Variants in PLSCR2 observed in about 807,000 individuals in gnomAD.
PLSCR2 encodes PL scramblase 2.
PLSCR2 carries 18 observed loss-of-function variants against 25.3 expected under a neutral mutation model. The ratio of observed to expected loss-of-function variants is 0.71; its 90% CI spans 0.49 to 1.06. The LOEUF is 1.06. Among genes scored for constraint, PLSCR2 ranks in the 50% least tolerant of loss-of-function variants. The pLI is 0.00. For missense variants in PLSCR2, 243 were observed against 269.5 expected, an observed-to-expected ratio of 0.90 and a Z score of 0.69; for synonymous variants, 88 against 87.3, an observed-to-expected ratio of 1.01 and a Z score of -0.04.
intron 2 of PLSCR2, among the ~76,000 whole-genome samples, chr3:146,405,917 A>G (rs566298919): frequency 6.6e-6 from 1 of 152,262 alleles, no homozygotes; most frequent in Non-Finnish European, 1.5e-5. Context: ...CAACTTTGTC[A>G]GGGTGTTTCT....
At chr3:146,471,497 AT>A (rs956924849) in intron 1 of PLSCR2, among the ~76,000 whole-genome samples, 4 of 144,226 alleles carry the variant, frequency 2.8e-5, no homozygotes, top group African/African-American at 1.0e-4. Context: ...TTGGATTGGG[AT>A]TTTTTTCCCT....
intron 2 of PLSCR2, among the ~76,000 whole-genome samples, chr3:146,419,894 A>T (rs1248737661): frequency 2.6e-5 from 4 of 151,016 alleles, no homozygotes; most frequent in Non-Finnish European, 5.9e-5. Flanking sequence ...TATGTGCAGT[A>T]ACTTTTGCTG....
intron 2 of PLSCR2, among the ~76,000 whole-genome samples, chr3:146,414,926 A>G (rs549923550): frequency 6.6e-5 from 10 of 152,210 alleles, no homozygotes; most frequent in Non-Finnish European, 1.3e-4. Context: ...TGCAGCCAGT[A>G]TTTTTTCCTT....
At chr3:146,471,814 T>C (rs978847488) in intron 1 of PLSCR2, among the ~76,000 whole-genome samples, 2 of 152,174 alleles carry the variant, frequency 1.3e-5, no homozygotes, top group African/African-American at 4.8e-5. Flanking sequence ...TCCACCCACC[T>C]TGGCCTCCCA....
intron 1 of PLSCR2, among the ~76,000 whole-genome samples, chr3:146,481,470 C>T (rs958816165): frequency 6.6e-6 from 1 of 152,076 alleles, no homozygotes; most frequent in Non-Finnish European, 1.5e-5. Context: ...CAGTGAACTC[C>T]CATTCACAAT....
chr3:146,392,441 G>C (rs753812711), intron 3 of PLSCR2, among the ~76,000 whole-genome samples: 1 of 151,710 alleles, frequency 6.6e-6, no homozygotes, highest in Non-Finnish European at 1.5e-5. Flanking sequence ...TTTTGGAGAC[G>C]CTTTCTTAAG....
At chr3:146,438,433 A>C (rs1319231223), downstream of PLSCR2, among the ~76,000 whole-genome samples, 1 of 152,104 alleles carries the variant, frequency 6.6e-6, no homozygotes, top group Non-Finnish European at 1.5e-5. Context: ...GTCTCTAAGG[A>C]CTTGCTTTAT....
intron 1 of PLSCR2, 128 bp from the exon 1 acceptor site, chr3:146,469,689 A>C (rs928833894): frequency 1.6e-4 from 70 of 439,820 alleles, no homozygotes; most frequent in Admixed American, 5.1e-4. Flanking sequence ...CCAAGGGTAC[A>C]ACAAGGCTTC....
downstream of PLSCR2, among the ~76,000 whole-genome samples, chr3:146,430,595 C>T (rs1372038433): frequency 2.0e-5 from 3 of 152,230 alleles, no homozygotes; most frequent in Admixed American, 2.0e-4. Flanking sequence ...TCCTTTTGAG[C>T]CCAAACTCAG....
intron 1 of PLSCR2, among the ~76,000 whole-genome samples, chr3:146,466,225 G>A (rs1012444072): frequency 5.4e-5 from 7 of 130,068 alleles, no homozygotes; most frequent in African/African-American, 2.0e-4. Flanking sequence ...CAGGCTGGAG[G>A]CCAGTGGCAC....
chr3:146,424,179 G>C lies in PLSCR2; in HGVS notation c.101-28258C>G, dbSNP rs374167909. On this transcript the variant is annotated intron_variant and NMD_transcript_variant, in intron 2 of 3. Coordinates refer to the PLSCR2 transcript ENST00000463633. ...TATCAGCATGGTAAGTTTCTGGTGAGAGCTCACTTCTTGATTTATACATGG... is the reference window on the plus strand; with the variant it reads ...TATCAGCATGGTAAGTTTCTGGTGACAGCTCACTTCTTGATTTATACATGG... 3.4e-4 allele frequency among the ~76,000 whole-genome samples: 52 copies of C among 151,304 alleles called. No homozygotes were observed. The South Asian group carries it at 0.01, about 29-fold the overall frequency.
Position 146,411,076 on chromosome 3 carries a change from G to GT in PLSCR2, c.101-15156dup, listed in dbSNP as rs139369809. 5.2e-3 allele frequency among the ~76,000 whole-genome samples: 779 copies of GT among 149,922 alleles called. 7 individuals carry two copies. Among genetic ancestry groups the GT allele is most frequent in the Non-Finnish European group, 4.7e-3 (315 of 67,248 alleles). ...CACCATTCACACAGAATTTATAACAGTTTTTTTTTTCTTTCCCGGAGATTC... is the reference window on the plus strand; with the variant it reads ...CACCATTCACACAGAATTTATAACAGTTTTTTTTTTTCTTTCCCGGAGATTC... On this transcript the variant is annotated intron_variant and NMD_transcript_variant, in intron 2 of 3. Coordinates refer to the PLSCR2 transcript ENST00000463633.
chr3:146,417,216 A>G (rs570090633), intron 2 of PLSCR2, among the ~76,000 whole-genome samples: 14 of 152,280 alleles, frequency 9.2e-5, no homozygotes, highest in African/African-American at 3.1e-4. Context: ...CCCTGTTTCC[A>G]GCTCAAAATT....
At chr3:146,450,359 G>T (rs2040821634) in intron 5 of PLSCR2, among the ~76,000 whole-genome samples, 1 of 152,190 alleles carries the variant, frequency 6.6e-6, no homozygotes, top group South Asian at 2.1e-4. Context: ...ATTCATTTTA[G>T]AGTGTTGGTG....
intron 2 of PLSCR2, chr3:146,398,970 A>G (rs1231264182): frequency 6.6e-6 from 1 of 151,986 alleles, no homozygotes; most frequent in Non-Finnish European, 1.5e-5. Flanking sequence ...CATGTTTGAG[A>G]ATCAACATAG....
At chr3:146,433,038 T>C (rs889869775), downstream of PLSCR2, among the ~76,000 whole-genome samples, 3 of 152,156 alleles carry the variant, frequency 2.0e-5, no homozygotes, top group African/African-American at 7.2e-5. Context: ...GGTCTTAACT[T>C]TTTTCTTTAT....
Position 146,485,851 on chromosome 3 carries a change from G to A in PLSCR2, c.-293+10044C>T, listed in dbSNP as rs186762705. ...CGGAAGGCAAGGAGGAGCAAGTCAC[G>A]TCTTACATGAATGGCAGCAGGCAAA... On this transcript the variant is annotated intron_variant, in intron 1 of 8. Coordinates refer to the PLSCR2 transcript ENST00000336685. Among the ~76,000 whole-genome samples, 27 of 152,186 alleles carry A rather than the reference G, an allele frequency of 1.8e-4. No homozygotes were observed. In the East Asian group the frequency reaches 3.3e-3, roughly 19 times the overall value.
intron 1 of PLSCR2, among the ~76,000 whole-genome samples, chr3:146,474,462 C>T (rs557488044): frequency 3.7e-4 from 56 of 152,154 alleles, no homozygotes; most frequent in Admixed American, 1.2e-3. Context: ...AATATTGGCT[C>T]CCACTCTCTT....
rs908293538 is a variant in PLSCR2, at chr3:146,435,731, A to T, written c.*35-2214T>A. ...CTCCCATTTTGTAGGTTGCCTGTTC[A>T]CTCTGATGGTAGTTTCTTTTGCTGT... On this transcript the variant is annotated intron_variant, in intron 8 of 8. Coordinates refer to the PLSCR2 transcript ENST00000336685. Among the ~76,000 whole-genome samples, 51 of 152,042 alleles carry T rather than the reference A, an allele frequency of 3.4e-4. No individual in the cohort carries two copies. In the Middle Eastern group the frequency reaches 0.01, roughly 30 times the overall value.
Sources: allele counts gnomAD v4.1 joint callset (sites outside exome capture counted in the v4.1 genomes callset), GRCh38; gene constraint gnomAD v4.1.1; transcripts MANE v1.5; gene names NCBI Gene and HGNC (gene_info 2026-07-23, HGNC 2026-07-21).